EXT1: variants seen among roughly 807,000 people sequenced by gnomAD.
EXT1 encodes exostosin-1.
Under a neutral mutation model 82.5 loss-of-function variants are expected in EXT1, and 20 were observed. That is an observed-to-expected ratio of 0.24 (90% CI 0.17 to 0.35). The LOEUF is 0.35. Ranked by LOEUF, EXT1 falls within the 10% of genes least tolerant of loss-of-function variation. The pLI is 1.00. For missense variants in EXT1, 757 were observed against 936.5 expected (o/e 0.81, Z 2.50); for synonymous variants, 348 against 350.8 (o/e 0.99, Z 0.09).
intron 1 of EXT1, among the ~76,000 whole-genome samples, chr8:118,091,529 G>A (rs1205229112): frequency 2.0e-5 from 3 of 152,030 alleles, no homozygotes; most frequent in African/African-American, 7.2e-5. Flanking sequence ...ACGAGGTCAG[G>A]AGATTGAGAC....
intron 1 of EXT1, among the ~76,000 whole-genome samples, chr8:117,867,628 C>T (rs910711327): frequency 2.0e-5 from 3 of 152,206 alleles, no homozygotes; most frequent in Admixed American, 6.5e-5. Flanking sequence ...GCCTTGATAA[C>T]CTCCTACCAA....
chr8:118,031,940 T>G (rs754215276), intron 1 of EXT1, among the ~76,000 whole-genome samples: 3 of 151,922 alleles, frequency 2.0e-5, no homozygotes, highest in Non-Finnish European at 2.9e-5. Context: ...ACACTGCAAA[T>G]CAAGGCTGCT....
intron 1 of EXT1, among the ~76,000 whole-genome samples, chr8:118,039,809 G>A (rs1275318152): frequency 1.3e-5 from 2 of 152,046 alleles, no homozygotes; most frequent in East Asian, 3.9e-4. Flanking sequence ...GACTGAGCAG[G>A]CCTGATGATT....
chr8:117,954,947 A>G (rs1814559017), intron 1 of EXT1, among the ~76,000 whole-genome samples: 1 of 152,212 alleles, frequency 6.6e-6, no homozygotes, highest in African/African-American at 2.4e-5. Context: ...TCAAATGCCA[A>G]TCACAAGTCT....
At chr8:118,074,321 T>G (rs1457980755) in intron 1 of EXT1, among the ~76,000 whole-genome samples, 2 of 152,152 alleles carry the variant, frequency 1.3e-5, no homozygotes, top group Non-Finnish European at 2.9e-5. Flanking sequence ...CTTTTCCTGT[T>G]GCAAAGAGAA....
At chr8:118,091,601 C>T (rs186906457) in intron 1 of EXT1, among the ~76,000 whole-genome samples, 170 of 152,008 alleles carry the variant, frequency 1.1e-3, no homozygotes, top group Non-Finnish European at 1.9e-3. Flanking sequence ...AAAAATTAGC[C>T]GGGCATGGTG....
intron 1 of EXT1, among the ~76,000 whole-genome samples, chr8:117,839,825 T>C (rs1437559015): frequency 6.6e-6 from 1 of 152,198 alleles, no homozygotes; most frequent in Non-Finnish European, 1.5e-5. Context: ...TTTCAAGAAA[T>C]ACTATGTTTC....
intron 1 of EXT1, among the ~76,000 whole-genome samples, chr8:117,857,711 AAC>A (rs869219351): frequency 3.4e-5 from 4 of 117,336 alleles, no homozygotes; most frequent in East Asian, 2.5e-4. Context: ...GACTCAAAAA[AAC>A]AAAGTAATTT....
At chr8:117,889,360 TAC>T (rs1375070187) in intron 1 of EXT1, among the ~76,000 whole-genome samples, 1 of 152,242 alleles carries the variant, frequency 6.6e-6, no homozygotes, top group African/African-American at 2.4e-5. Context: ...TTTTAAAATA[TAC>T]ACCGTGAGTT....
At chr8:118,025,839 A>AT (rs1175879197) in intron 1 of EXT1, among the ~76,000 whole-genome samples, 3 of 152,184 alleles carry the variant, frequency 2.0e-5, no homozygotes, top group African/African-American at 7.2e-5. Flanking sequence ...AATTCATCAA[A>AT]TGTGCCATAA....
At chr8:118,004,696 A>G (rs1815739640) in intron 1 of EXT1, among the ~76,000 whole-genome samples, 1 of 152,162 alleles carries the variant, frequency 6.6e-6, no homozygotes, top group South Asian at 2.1e-4. Context: ...TTACATCACA[A>G]ACTCAGGAAA....
intron 1 of EXT1, among the ~76,000 whole-genome samples, chr8:117,998,330 G>T (rs1039698111): frequency 6.6e-6 from 1 of 151,914 alleles, no homozygotes; most frequent in African/African-American, 2.4e-5. Context: ...ATTTTTAAAA[G>T]ACAAGGTCTT....
intron 1 of EXT1, among the ~76,000 whole-genome samples, chr8:117,858,868 A>G (rs58280230): frequency 0.18 from 9,032 of 50,658 alleles, 485 homozygotes; most frequent in Non-Finnish European, 0.29. Flanking sequence ...AAAGAAAGAA[A>G]GAAAGAAAGA....
intron 10 of EXT1, among the ~76,000 whole-genome samples, chr8:117,800,833 G>A (rs1438995414): frequency 6.6e-6 from 1 of 152,150 alleles, no homozygotes; most frequent in Non-Finnish European, 1.5e-5. Context: ...GCAAATGATT[G>A]GCATTGATTT....
chr8:118,030,478 T>G (rs1294685157), intron 1 of EXT1, among the ~76,000 whole-genome samples: 5 of 52,436 alleles, frequency 9.5e-5, no homozygotes, highest in South Asian at 6.4e-4. Context: ...AATTAGAGGG[T>G]TTTTTTTGTT....
chr8:117,877,174 A>G (rs567509154), intron 1 of EXT1, among the ~76,000 whole-genome samples: 1 of 152,324 alleles, frequency 6.6e-6, no homozygotes, highest in East Asian at 1.9e-4. Context: ...CCCAGTGCAG[A>G]CTTTAATGTT....
chr8:117,957,857 C>G (rs982855798), intron 1 of EXT1, among the ~76,000 whole-genome samples: 3 of 152,182 alleles, frequency 2.0e-5, no homozygotes, highest in African/African-American at 4.8e-5. Context: ...GAAAGCATAT[C>G]TGTGCAGTTC....
chr8:118,079,923 C>T (rs1047993622), intron 1 of EXT1, among the ~76,000 whole-genome samples: 3 of 152,150 alleles, frequency 2.0e-5, no homozygotes, highest in Admixed American at 6.5e-5. Context: ...GTGTCATTTA[C>T]AAAAGGTTAC....
chr8:117,838,870 G>A (rs142187480), intron 1 of EXT1, among the ~76,000 whole-genome samples: 19 of 152,082 alleles, frequency 1.2e-4, no homozygotes, highest in East Asian at 1.2e-3. Context: ...ACTACAGCAA[G>A]GTTTAATAAG....
Sources: gnomAD v4.1 joint callset for allele counts (sites outside exome capture counted in the v4.1 genomes callset) on GRCh38, gnomAD v4.1.1 for gene constraint, MANE v1.5 for transcripts, NCBI Gene and HGNC (gene_info 2026-07-23, HGNC 2026-07-21) for gene names.